Variants in NFX1 observed in about 807,000 individuals in gnomAD.
NFX1 encodes nuclear transcription factor, X-box binding 1, also known as transcriptional repressor NF-X1.
Under a neutral mutation model 137.2 loss-of-function variants are expected in NFX1, and 69 were observed. The ratio of observed to expected loss-of-function variants is 0.50; its 90% CI spans 0.41 to 0.61. The LOEUF (loss-of-function observed/expected upper bound fraction) is 0.61, where lower values mean the gene tolerates loss of function less well. NFX1 is among the 20% of genes least tolerant of loss of function. NFX1 has a pLI of 0.00. For missense variants in NFX1, 1,167 were observed against 1,391.0 expected, an observed-to-expected ratio of 0.84 and a Z score of 2.56; for synonymous variants, 495 against 474.1, an observed-to-expected ratio of 1.04 and a Z score of -0.57.
intron 11 of NFX1, among the ~76,000 whole-genome samples, chr9:33,335,501 G>A (rs576623068): frequency 1.3e-4 from 19 of 151,982 alleles, no homozygotes; most frequent in African/African-American, 4.3e-4. Flanking sequence ...CCAAAGTGCT[G>A]GGATTACAGT....
rs1397094042 is a variant in NFX1 at position 33,295,118 on chromosome 9, C to T, written c.724C>T (p.Pro242Ser). ...GARRNEQRRY[P>S]QKRPPWEVEG... ...CAGACGAAATGAGCAGAGAAGATAC[C>T]CACAGAAAAGGCCTCCCTGGGAAGT... The change falls in exon 2 of 24, where the codon CCA becomes TCA. Residue 242 changes from proline to serine, a missense_variant. Pro to Ser is a moderately conservative substitution (Grantham distance 74). Coordinates refer to ENST00000379540, the MANE Select transcript of NFX1 (RefSeq NM_002504.6). The T allele has an allele frequency of 6.2e-6, 10 of 1,614,076 alleles. No individual in the cohort carries two copies. Among genetic ancestry groups the T allele is most frequent in the Admixed American group, 5.0e-5 (3 of 60,004 alleles).
intron 9 of NFX1, among the ~76,000 whole-genome samples, chr9:33,319,845 C>A (rs997494295): frequency 1.3e-5 from 2 of 151,940 alleles, no homozygotes; most frequent in African/African-American, 4.8e-5. Flanking sequence ...AGAACCTCAG[C>A]CATTTAGATC....
At chr9:33,322,143 G>A (rs934381204) in intron 9 of NFX1, among the ~76,000 whole-genome samples, 1 of 150,694 alleles carries the variant, frequency 6.6e-6, no homozygotes, top group Non-Finnish European at 1.5e-5. Context: ...AGTAGTTGCA[G>A]TGAACTCAGA....
At chr9:33,353,459 T>G (rs1261325180) in intron 17 of NFX1, among the ~76,000 whole-genome samples, 1 of 151,772 alleles carries the variant, frequency 6.6e-6, no homozygotes, top group East Asian at 1.9e-4. Flanking sequence ...TGGGGAGAGG[T>G]GCCATGGATA....
At chr9:33,325,043 A>G (rs550932916) in intron 9 of NFX1, among the ~76,000 whole-genome samples, 1 of 152,338 alleles carries the variant, frequency 6.6e-6, no homozygotes, top group African/African-American at 2.4e-5. Context: ...ATCAGTGTAC[A>G]TGTAATTGGA....
intron 19 of NFX1, among the ~76,000 whole-genome samples, chr9:33,359,041 T>C: frequency 6.6e-6 from 1 of 152,094 alleles, no homozygotes; most frequent in Non-Finnish European, 1.5e-5. Context: ...TATTTAGAAA[T>C]ACAATTGATA....
intron 13 of NFX1, among the ~76,000 whole-genome samples, 189 bp from the exon 14 acceptor site, chr9:33,343,880 T>G (rs999945062): frequency 2.1e-4 from 32 of 152,194 alleles, no homozygotes; most frequent in Admixed American, 1.5e-3. Flanking sequence ...TGTTCATGCC[T>G]TTTTCACCAG....
intron 19 of NFX1, among the ~76,000 whole-genome samples, chr9:33,358,371 G>A (rs990140579): frequency 1.3e-5 from 2 of 152,018 alleles, no homozygotes; most frequent in Admixed American, 1.3e-4. Flanking sequence ...TGATCTGCCC[G>A]CCTCAGCCTC....
intron 13 of NFX1, among the ~76,000 whole-genome samples, chr9:33,343,128 G>T (rs1030226455): frequency 6.6e-6 from 1 of 152,080 alleles, no homozygotes; most frequent in Admixed American, 6.6e-5. Context: ...TATTGACCTA[G>T]GTTCTGTCCT....
Position 33,295,228 on chromosome 9 carries a change from G to C in NFX1, c.834G>C (p.Met278Ile). 6.2e-7 allele frequency: 1 copy of C among 1,614,082 alleles called. No homozygotes were observed. The highest frequency in any genetic ancestry group is 8.5e-7 in the Non-Finnish European group (1 of 1,180,020). ...RHTNAGHRNN[M>I]GPIPKDDLNE... is the part of the protein sequence containing the mutation. ...CAAACGCAGGACACAGAAACAACAT[G>C]GGCCCCATTCCAAAGGATGACCTCA... Residue 278 changes from methionine (M) to isoleucine (I), a missense_variant, in exon 2 of 24, where the codon ATG becomes ATC. By Grantham distance (10) the Met-to-Ile change is conservative. Coordinates refer to ENST00000379540, the MANE Select transcript of NFX1 (RefSeq NM_002504.6).
At chr9:33,334,018 C>A (rs589212) in intron 11 of NFX1, among the ~76,000 whole-genome samples, 2 of 151,732 alleles carry the variant, frequency 1.3e-5, no homozygotes, top group East Asian at 1.9e-4. Flanking sequence ...AGTGGCGCAC[C>A]CCTGTAATCC....
intron 10 of NFX1, among the ~76,000 whole-genome samples, chr9:33,329,010 G>A (rs1822701691): frequency 6.6e-6 from 1 of 152,160 alleles, no homozygotes; most frequent in South Asian, 2.1e-4. Flanking sequence ...CACCTGCGAG[G>A]CTTGATAATT....
At chr9:33,360,326 A>G (rs911603918) in intron 19 of NFX1, among the ~76,000 whole-genome samples, 2 of 152,196 alleles carry the variant, frequency 1.3e-5, no homozygotes, top group African/African-American at 4.8e-5. Context: ...AGGTTTCTTA[A>G]AAATCTAGAA....
chr9:33,362,943 A>T (rs563525884), intron 19 of NFX1, among the ~76,000 whole-genome samples: 1 of 151,936 alleles, frequency 6.6e-6, no homozygotes, highest in South Asian at 2.1e-4. Context: ...GCTTCAGGTG[A>T]TCCGCCCGCC....
intron 17 of NFX1, 76 bp from the exon 18 acceptor site, chr9:33,354,010 T>C: frequency 7.4e-7 from 1 of 1,348,634 alleles, no homozygotes; most frequent in African/African-American, 1.5e-5. Context: ...TTTAAAGAGG[T>C]CTTCTGTATC....
At chr9:33,299,217 GT>G (rs1328207742) in intron 2 of NFX1, among the ~76,000 whole-genome samples, 3 of 152,138 alleles carry the variant, frequency 2.0e-5, no homozygotes, top group Non-Finnish European at 4.4e-5. Context: ...AACTACAGAT[GT>G]TATTCAGATT....
Position 33,330,691 on chromosome 9 carries a change from C to T in NFX1, c.2005-1781C>T, listed in dbSNP as rs534434786. On this transcript the variant is annotated intron_variant, in intron 10 of 23. Transcript: ENST00000379540. Reference sequence around the variant, plus strand: ...CCCACAATCCCTCTTTCTATCTCTACGTTTTCTTGCTTCTCATTGACTCTT... The same window carrying T: ...CCCACAATCCCTCTTTCTATCTCTATGTTTTCTTGCTTCTCATTGACTCTT... 1.5e-4 allele frequency among the ~76,000 whole-genome samples: 23 copies of T among 152,282 alleles called. No homozygotes were observed. In the South Asian group the frequency reaches 1.7e-3, roughly 11 times the overall value.
chr9:33,298,691 G>A (rs1821445198), intron 2 of NFX1, among the ~76,000 whole-genome samples: 2 of 152,224 alleles, frequency 1.3e-5, no homozygotes, highest in Non-Finnish European at 1.5e-5. Context: ...GGTTGAACTA[G>A]GAGGATCGCT....
chr9:33,317,061 A>G (rs2118367450), intron 7 of NFX1, among the ~76,000 whole-genome samples: 1 of 152,272 alleles, frequency 6.6e-6, no homozygotes, highest in East Asian at 1.9e-4. Context: ...TGTTTTCTGA[A>G]TCTTTATTAA....
Sources: allele counts gnomAD v4.1 joint callset (sites outside exome capture counted in the v4.1 genomes callset), GRCh38; gene constraint gnomAD v4.1.1; transcripts MANE v1.5; gene names NCBI Gene and HGNC (gene_info 2026-07-23, HGNC 2026-07-21).